STAU2: variants seen among roughly 807,000 people sequenced by gnomAD.
The protein encoded by STAU2 is staufen double-stranded RNA binding protein 2.
Under a neutral mutation model 65.9 loss-of-function variants are expected in STAU2, and 20 were observed. The observed-to-expected ratio is 0.30, with a 90% CI of 0.21 to 0.44. The LOEUF is 0.44. STAU2 is among the 20% of genes least tolerant of loss of function. STAU2 has a pLI of 1.00. For missense variants in STAU2, 558 were observed against 683.9 expected, an observed-to-expected ratio of 0.82 and a Z score of 2.05; for synonymous variants, 232 against 233.9, an observed-to-expected ratio of 0.99 and a Z score of 0.07.
intron 13 of STAU2, among the ~76,000 whole-genome samples, chr8:73,506,132 T>G (rs1402941593): frequency 6.6e-6 from 1 of 152,182 alleles, no homozygotes; most frequent in Non-Finnish European, 1.5e-5. Context: ...CCTCAGGTAT[T>G]TCTTTATAGC....
At chr8:73,450,070 G>A (rs1818721244) in intron 13 of STAU2, among the ~76,000 whole-genome samples, 3 of 152,222 alleles carry the variant, frequency 2.0e-5, no homozygotes, top group Admixed American at 6.5e-5. Flanking sequence ...CAAACCAACA[G>A]AGGATGGGTA....
At chr8:73,737,118 T>C (rs1444032439) in intron 3 of STAU2, among the ~76,000 whole-genome samples, 1 of 152,060 alleles carries the variant, frequency 6.6e-6, no homozygotes, top group Non-Finnish European at 1.5e-5. Context: ...CTACCTGCCT[T>C]CGTCTCCCAA....
Position 73,514,303 on chromosome 8 carries a change from TCA to T in STAU2, c.1530+37707_1530+37708del, listed in dbSNP as rs1188180125. Among the ~76,000 whole-genome samples, 3 of 152,302 alleles carry T rather than the reference TCA, an allele frequency of 2.0e-5. No homozygotes were observed. The East Asian group carries it at 5.8e-4, about 29-fold the overall frequency. ...CCTATGATAGAAGCCTTCCTCCTCA[TCA>T]CAGTCAGTTCTGCATCTGGCTGCTA... On this transcript the variant is annotated intron_variant, in intron 13 of 14. Coordinates refer to ENST00000524300, the MANE Select transcript of STAU2 (RefSeq NM_001164380.2).
chr8:73,583,776 T>C (rs1346885679), intron 11 of STAU2, among the ~76,000 whole-genome samples: 1 of 152,238 alleles, frequency 6.6e-6, no homozygotes, highest in Non-Finnish European at 1.5e-5. Context: ...TGTAATATTC[T>C]GACTTTTGCC....
At chr8:73,720,947 C>A (rs1821612561) in intron 3 of STAU2, among the ~76,000 whole-genome samples, 1 of 151,506 alleles carries the variant, frequency 6.6e-6, no homozygotes, top group South Asian at 2.1e-4. Flanking sequence ...TAATCAGATA[C>A]AATTTTTTAA....
intron 3 of STAU2, among the ~76,000 whole-genome samples, chr8:73,730,254 A>G (rs1221496049): frequency 6.6e-6 from 1 of 152,172 alleles, no homozygotes; most frequent in East Asian, 1.9e-4. Context: ...TAATTCCCAC[A>G]TATTTGTAAA....
intron 12 of STAU2, among the ~76,000 whole-genome samples, chr8:73,567,382 C>T (rs979409338): frequency 2.0e-5 from 3 of 152,054 alleles, no homozygotes; most frequent in Non-Finnish European, 4.4e-5. Flanking sequence ...TGGCATATGC[C>T]TGTAATCCCA....
At chr8:73,685,386 T>C (rs536649718) in intron 5 of STAU2, among the ~76,000 whole-genome samples, 3 of 151,528 alleles carry the variant, frequency 2.0e-5, no homozygotes, top group East Asian at 1.9e-4. Flanking sequence ...TTTTTCTTTT[T>C]TTTTTTTTTG....
chr8:73,596,104 C>A (rs554643777), intron 10 of STAU2, among the ~76,000 whole-genome samples: 2 of 149,848 alleles, frequency 1.3e-5, no homozygotes, highest in East Asian at 1.9e-4. Flanking sequence ...CAGAGCAATA[C>A]TCCATCTTTA....
intron 13 of STAU2, among the ~76,000 whole-genome samples, chr8:73,438,696 C>T (rs1433106595): frequency 2.0e-5 from 3 of 152,338 alleles, no homozygotes; most frequent in East Asian, 1.9e-4. Context: ...GACTGGGTGA[C>T]GCCTACTACC....
intron 13 of STAU2, among the ~76,000 whole-genome samples, chr8:73,539,239 A>T (rs1193807714): frequency 6.6e-6 from 1 of 152,224 alleles, no homozygotes; most frequent in East Asian, 1.9e-4. Context: ...CTTGCCATAG[A>T]ATAAACAGAA....
chr8:73,560,407 A>G (rs968613037), intron 12 of STAU2, among the ~76,000 whole-genome samples: 7 of 152,152 alleles, frequency 4.6e-5, no homozygotes, highest in Admixed American at 2.6e-4. Context: ...TGTGCTCAAA[A>G]AGCATAACCT....
At chr8:73,597,899 G>C (rs1419574773) in intron 10 of STAU2, among the ~76,000 whole-genome samples, 1 of 152,092 alleles carries the variant, frequency 6.6e-6, no homozygotes, top group Non-Finnish European at 1.5e-5. Context: ...CAATATTTAA[G>C]GAAGAATTAT....
intron 13 of STAU2, among the ~76,000 whole-genome samples, chr8:73,512,573 A>C (rs1822467023): frequency 6.6e-6 from 1 of 152,048 alleles, no homozygotes; most frequent in South Asian, 2.1e-4. Context: ...AAATACAACA[A>C]ATTTTTGTAT....
rs184673750 is a variant in STAU2, at chr8:73,639,511, T to C, written c.411-22060A>G. ...AACCCTTCCTAAGAAAAAAAGATAG[T>C]ACTAATAGTAAGGTGCTAATGAGCC... On this transcript the variant is annotated intron_variant, in intron 6 of 14. Transcript: ENST00000524300. Among the ~76,000 whole-genome samples the C allele has an allele frequency of 1.2e-3, 185 of 152,168 alleles. No individual in the cohort carries two copies. In the Middle Eastern group the frequency reaches 0.017, roughly 14 times the overall value.
intron 6 of STAU2, among the ~76,000 whole-genome samples, chr8:73,620,397 T>C (rs1813139692): frequency 6.6e-6 from 1 of 151,644 alleles, no homozygotes; most frequent in South Asian, 2.1e-4. Flanking sequence ...GTAGAGGGAG[T>C]GGGCGCCACT....
At chr8:73,677,348 C>T (rs779439441) in intron 5 of STAU2, among the ~76,000 whole-genome samples, 2 of 152,064 alleles carry the variant, frequency 1.3e-5, no homozygotes, top group East Asian at 3.8e-4. Flanking sequence ...AGTTCCAATC[C>T]TAGATATATT....
At chr8:73,429,939 C>T (rs67938914) in intron 13 of STAU2, among the ~76,000 whole-genome samples, 47,081 of 152,142 alleles carry the variant, frequency 0.31, 8,801 homozygotes, top group Non-Finnish European at 0.41. Flanking sequence ...CACAGTGTCC[C>T]GTCAGCAGTC....
At chr8:73,511,381 G>T (rs894519613) in intron 13 of STAU2, 14 of 152,696 alleles carry the variant, frequency 9.2e-5, no homozygotes, top group Admixed American at 7.9e-4. Flanking sequence ...AACCTTCTTT[G>T]GCAATAATAC....
Sources: gnomAD v4.1 joint callset for allele counts (sites outside exome capture counted in the v4.1 genomes callset) on GRCh38, gnomAD v4.1.1 for gene constraint, MANE v1.5 for transcripts, NCBI Gene and HGNC (gene_info 2026-07-23, HGNC 2026-07-21) for gene names.